Variants in PLIN3 observed in about 807,000 individuals in gnomAD.
The protein encoded by PLIN3 is perilipin 3, also known as perilipin-3.
Under a neutral mutation model 35.9 loss-of-function variants are expected in PLIN3, and 30 were observed. That is an observed-to-expected ratio of 0.84 (90% CI 0.62 to 1.13). The LOEUF (loss-of-function observed/expected upper bound fraction) is 1.13. PLIN3 is among the 50% of genes most tolerant of loss of function. PLIN3 has a pLI of 0.00. For missense variants in PLIN3, 603 were observed against 596.9 expected (o/e 1.01, Z -0.11); for synonymous variants, 261 against 262.5 (o/e 0.99, Z 0.06).
chr19:4,857,700 G>T (rs2030519271), intron 4 of PLIN3, among the ~76,000 whole-genome samples: 1 of 152,146 alleles, frequency 6.6e-6, no homozygotes, highest in Non-Finnish European at 1.5e-5. Context: ...CCCAGGCTGG[G>T]CCTGGTGGCT....
chr19:4,864,098 A>AATGTGTGT lies in PLIN3; in HGVS notation c.-17-2688_-17-2687insACACACAT, dbSNP rs1172963843. Among the ~76,000 whole-genome samples the AATGTGTGT allele has an allele frequency of 3.0e-3, 376 of 125,384 alleles. 8 individuals carry two copies. Among genetic ancestry groups the AATGTGTGT allele is most frequent in the Admixed American group, 0.012 (141 of 12,242 alleles). The allele number at this position is 125,384 out of a possible 152,430, so 82.3% of individuals were successfully genotyped here. On this transcript the variant is annotated intron_variant, in intron 1 of 7. Transcript: ENST00000221957. ...CAGGCACGCACCACCACACCTGGCTAGTGTGTGTGTGTGTGTGTGTGTGTG... is the reference window on the plus strand; with the variant it reads ...CAGGCACGCACCACCACACCTGGCTAATGTGTGTGTGTGTGTGTGTGTGTGTGTGTGTG...
intron 6 of PLIN3, among the ~76,000 whole-genome samples, chr19:4,846,318 G>GAA (rs35248667): frequency 2.9e-5 from 4 of 138,530 alleles, no homozygotes; most frequent in Non-Finnish European, 4.6e-5. Flanking sequence ...CCTGTCTCTG[G>GAA]AAAAAAAAAA....
At chr19:4,859,146 A>G (rs1418703228) in intron 4 of PLIN3, among the ~76,000 whole-genome samples, 2 of 152,192 alleles carry the variant, frequency 1.3e-5, no homozygotes, top group Non-Finnish European at 2.9e-5. Flanking sequence ...ACAACTACTC[A>G]ACCTTGCCAT....
chr19:4,845,424 T>A (rs2030054322), intron 6 of PLIN3, among the ~76,000 whole-genome samples: 1 of 151,562 alleles, frequency 6.6e-6, no homozygotes, highest in Non-Finnish European at 1.5e-5. Flanking sequence ...AGACTCTATC[T>A]CAAAACAACA....
At chr19:4,851,327 G>A (rs2030283062) in intron 5 of PLIN3, among the ~76,000 whole-genome samples, 1 of 152,040 alleles carries the variant, frequency 6.6e-6, no homozygotes, top group African/African-American at 2.4e-5. Flanking sequence ...TTAGCTGTGT[G>A]GTGGCAGGTG....
Position 4,839,114 on chromosome 19 carries a change from G to GT in PLIN3, c.*77_*78insA, listed in dbSNP as rs2093624665. On this transcript the variant is annotated 3_prime_UTR_variant, in exon 8 of 8. Coordinates refer to ENST00000221957, the MANE Select transcript of PLIN3 (RefSeq NM_005817.5). ...GGAGGAGTGGCTAGAAAATAAGTTT[G>GT]AAATGAGCCCCGGGTTGAGGACTCC... 1.7e-6 allele frequency: 2 copies of GT among 1,209,674 alleles called. No homozygotes were observed. The highest frequency in any genetic ancestry group is 3.0e-5 in the African/African-American group (2 of 65,916). 74.9% of individuals were successfully genotyped at this position (1,209,674 alleles called of 1,614,324 possible).
At chr19:4,854,144 G>A (rs941852374) in intron 4 of PLIN3, among the ~76,000 whole-genome samples, 4 of 151,902 alleles carry the variant, frequency 2.6e-5, no homozygotes, top group African/African-American at 9.7e-5. Context: ...TGTTGCCCAG[G>A]CTGGTTTCGA....
chr19:4,854,998 C>T (rs552028369), intron 4 of PLIN3, among the ~76,000 whole-genome samples: 1 of 151,872 alleles, frequency 6.6e-6, no homozygotes, highest in Non-Finnish European at 1.5e-5. Context: ...GCCTATAATC[C>T]CAGCACTTTG....
chr19:4,852,357 TC>T, intron 4 of PLIN3, 56 bp from the exon 5 acceptor site: 2 of 1,562,068 alleles, frequency 1.3e-6, no homozygotes, highest in Non-Finnish European at 1.7e-6. Context: ...TGGGCACCCC[TC>T]CCCTGCACCC....
At chr19:4,864,139 GTGTGTGTGTGT>G in intron 1 of PLIN3, among the ~76,000 whole-genome samples, 1 of 71,612 alleles carries the variant, frequency 1.4e-5, no homozygotes, top group African/African-American at 4.3e-5. Flanking sequence ...GTGTGTGTGT[GTGTGTGTGTGT>G]GGTTTTGTTT....
At position 4,860,011 on chromosome 19, in the gene PLIN3, T is replaced by C. The variant is rs2030621074; in HGVS notation, c.80A>G (p.Asp27Gly). The C allele has an allele frequency of 6.2e-7, 1 of 1,614,026 alleles. No homozygotes were observed. Residue 27 changes from aspartate (D) to glycine (G), a missense_variant, in exon 3 of 8, where the codon GAC becomes GGC. Asp to Gly is a moderately conservative substitution (Grantham distance 94, BLOSUM62 -1). Transcript: ENST00000221957. ...EEPVQQPSVV[D>G]RVASMPLISS... The stretch of plus-strand genomic sequence containing the variant: ...GATCAGAGGCATGCTGGCCACACGG[T>C]CCACCACACTGGGCTACAGGAGAGA...
At chr19:4,843,226 G>T (rs1353103666) in intron 7 of PLIN3, among the ~76,000 whole-genome samples, 1 of 129,078 alleles carries the variant, frequency 7.7e-6, no homozygotes, top group African/African-American at 3.0e-5. Flanking sequence ...AAATAAATAG[G>T]CAGGGTGCGG....
At chr19:4,856,619 G>A (rs1427251650) in intron 4 of PLIN3, among the ~76,000 whole-genome samples, 1 of 151,562 alleles carries the variant, frequency 6.6e-6, no homozygotes, top group East Asian at 1.9e-4. Flanking sequence ...ACTGGACACA[G>A]CCACAAAGCA....
At chr19:4,846,359 A>C (rs1368400358) in intron 6 of PLIN3, among the ~76,000 whole-genome samples, 1 of 147,784 alleles carries the variant, frequency 6.8e-6, no homozygotes, top group Non-Finnish European at 1.5e-5. Flanking sequence ...AAATGAAGCT[A>C]TCCATTAGGG....
rs180770369 is a variant in PLIN3 at position 4,845,404 on chromosome 19, T to A, written c.835-611A>T. ...TTGCGCCACTGCACTCCAGCCTGGG[T>A]GACAGAGCCAGACTCTATCTCAAAA... On this transcript the variant is annotated intron_variant, in intron 6 of 7. Coordinates refer to ENST00000221957, the MANE Select transcript of PLIN3 (RefSeq NM_005817.5). Among the ~76,000 whole-genome samples the A allele has an allele frequency of 9.8e-4, 145 of 147,328 alleles. 2 individuals are homozygous for A. Among genetic ancestry groups the A allele is most frequent in the Admixed American group, 9.4e-3 (137 of 14,610 alleles).
At position 4,852,183 on chromosome 19, in the gene PLIN3, C is replaced by T. The variant is rs1042541961; in HGVS notation, c.467G>A (p.Gly156Asp). ...QLSEAVDATR[G>D]AVQSGVDKTK... ...CTTGTCCACGCCGCTCTGCACAGCACCGCGGGTCGCGTCCACCGCCTCCGA... is the reference window on the plus strand; with the variant it reads ...CTTGTCCACGCCGCTCTGCACAGCATCGCGGGTCGCGTCCACCGCCTCCGA... The change falls in exon 5 of 8, where the codon GGT becomes GAT. Residue 156 changes from glycine (G) to aspartate (D), a missense_variant. Physicochemically the swap from Gly to Asp is moderately conservative, Grantham distance 94. Coordinates refer to ENST00000221957, the MANE Select transcript of PLIN3 (RefSeq NM_005817.5). 1 of 1,613,550 alleles carries T rather than the reference C, an allele frequency of 6.2e-7. No homozygotes were observed. The highest frequency in any genetic ancestry group is 1.1e-5 in the South Asian group (1 of 91,084).
At chr19:4,846,182 C>T (rs538985680) in intron 6 of PLIN3, among the ~76,000 whole-genome samples, 23 of 151,570 alleles carry the variant, frequency 1.5e-4, no homozygotes, top group Non-Finnish European at 2.2e-4. Flanking sequence ...GCTGAGATCG[C>T]GCCACAAAAA....
intron 4 of PLIN3, among the ~76,000 whole-genome samples, chr19:4,857,578 A>AG: frequency 6.7e-6 from 1 of 149,182 alleles, no homozygotes; most frequent in South Asian, 2.1e-4. Flanking sequence ...CAAAAAAAAA[A>AG]TTTTTTTTTT....
chr19:4,861,922 C>A (rs1304727222), intron 1 of PLIN3, among the ~76,000 whole-genome samples: 1 of 150,656 alleles, frequency 6.6e-6, no homozygotes, highest in Non-Finnish European at 1.5e-5. Context: ...TGTGAGCCAC[C>A]ACACCTGATC....
Sources: gnomAD v4.1 joint callset for allele counts (sites outside exome capture counted in the v4.1 genomes callset) on GRCh38, gnomAD v4.1.1 for gene constraint, MANE v1.5 for transcripts, NCBI Gene and HGNC (gene_info 2026-07-23, HGNC 2026-07-21) for gene names.